The following ADAM9 variants were observed in gnomAD, a reference collection of about 807,000 sequenced individuals.
The protein encoded by ADAM9 is ADAM metallopeptidase domain 9, also known as disintegrin and metalloproteinase domain-containing protein 9.
Under a neutral mutation model 108.1 loss-of-function variants are expected in ADAM9, and 54 were observed. The observed-to-expected ratio is 0.50, with a 90% CI of 0.40 to 0.63. The LOEUF (loss-of-function observed/expected upper bound fraction) is 0.63. Ranked by LOEUF, ADAM9 falls within the 20% of genes least tolerant of loss-of-function variation. The probability of loss-of-function intolerance (pLI) is 0.00; values close to 1 mark genes in which losing one functional copy is unlikely to be tolerated. For synonymous variants in ADAM9, 316 were observed against 336.0 expected (o/e 0.94, Z 0.65); for missense variants, 830 against 997.7 (o/e 0.83, Z 2.26).
chr8:39,084,565 T>C (rs1333891047), intron 18 of ADAM9, among the ~76,000 whole-genome samples: 2 of 151,892 alleles, frequency 1.3e-5, no homozygotes, highest in Non-Finnish European at 2.9e-5. Flanking sequence ...AGAGAACATA[T>C]TGTGTATGAC....
chr8:39,024,108 C>T (rs1836844732), intron 9 of ADAM9, among the ~76,000 whole-genome samples: 1 of 152,050 alleles, frequency 6.6e-6, no homozygotes, highest in Non-Finnish European at 1.5e-5. Context: ...TTTTTTGTCC[C>T]AGCATTACTA....
At chr8:39,002,033 T>TAAAAAAAAAAAAA (rs35778686) in intron 1 of ADAM9, among the ~76,000 whole-genome samples, 1 of 108,624 alleles carries the variant, frequency 9.2e-6, no homozygotes, top group African/African-American at 3.4e-5. Flanking sequence ...CTAGAATGAT[T>TAAAAAAAAAAAAA]AAAAAAAAAA....
At chr8:39,037,458 G>GTGTGTGT (rs56848190) in intron 11 of ADAM9, among the ~76,000 whole-genome samples, 16 of 126,558 alleles carry the variant, frequency 1.3e-4, no homozygotes, top group South Asian at 4.8e-4. Flanking sequence ...GTGTGTGTGT[G>GTGTGTGT]TTTTTTTTTT....
At chr8:39,096,330 TC>T (rs1395766544) in intron 20 of ADAM9, among the ~76,000 whole-genome samples, 5 of 151,820 alleles carry the variant, frequency 3.3e-5, no homozygotes, top group East Asian at 1.9e-4. Context: ...TTGTGCATAT[TC>T]TATAGCACAT....
intron 20 of ADAM9, among the ~76,000 whole-genome samples, chr8:39,096,330 T>C (rs904599710): frequency 6.6e-6 from 1 of 151,824 alleles, no homozygotes; most frequent in Non-Finnish European, 1.5e-5. Context: ...TTGTGCATAT[T>C]CTATAGCACA....
At chr8:39,026,643 A>G (rs1302037999) in intron 10 of ADAM9, 34 bp from the exon 11 acceptor site, 1 of 1,614,078 alleles carries the variant, frequency 6.2e-7, no homozygotes, top group Admixed American at 1.7e-5. Context: ...CTTTGCGTTC[A>G]GAAACCTAAT....
At chr8:39,103,293 G>A (rs761755719) in intron 21 of ADAM9, among the ~76,000 whole-genome samples, 17 of 151,366 alleles carry the variant, frequency 1.1e-4, no homozygotes, top group Non-Finnish European at 4.4e-5. Flanking sequence ...ATCACTTAGT[G>A]TACTCACTTG....
At chr8:39,023,752 T>G (rs546292694) in intron 9 of ADAM9, among the ~76,000 whole-genome samples, 1 of 138,756 alleles carries the variant, frequency 7.2e-6, no homozygotes, top group East Asian at 2.0e-4. Flanking sequence ...TTTTTTTTTT[T>G]TTTTTTTTTT....
intron 9 of ADAM9, 140 bp downstream of exon 9, chr8:39,023,465 A>G (rs948191454): frequency 1.2e-6 from 1 of 845,888 alleles, no homozygotes; most frequent in Non-Finnish European, 1.8e-6. Context: ...ATGTGGCATT[A>G]TCATGAGACC....
intron 12 of ADAM9, among the ~76,000 whole-genome samples, chr8:39,044,944 A>AGG (rs1564295599): frequency 5.3e-5 from 8 of 150,426 alleles, no homozygotes; most frequent in Middle Eastern, 3.4e-3. Context: ...ACACATACCT[A>AGG]TGTATGTGTA....
chr8:39,091,494 G>A (rs1564378117), intron 20 of ADAM9, 148 bp downstream of exon 20: 1 of 773,470 alleles, frequency 1.3e-6, no homozygotes, highest in Non-Finnish European at 2.0e-6. Flanking sequence ...TGAGTTTTTT[G>A]TTTTTGTTTT....
At chr8:39,021,856 GT>G (rs899056425) in intron 8 of ADAM9, 142 bp downstream of exon 8, 1 of 747,944 alleles carries the variant, frequency 1.3e-6, no homozygotes, top group Non-Finnish European at 2.3e-6. Flanking sequence ...TTTCTGGTTT[GT>G]TTTGTAACTC....
intron 7 of ADAM9, among the ~76,000 whole-genome samples, chr8:39,019,836 A>G (rs1354015840): frequency 6.6e-6 from 1 of 152,208 alleles, no homozygotes; most frequent in African/African-American, 2.4e-5. Flanking sequence ...AAATATTAAG[A>G]GATAGACTTG....
intron 14 of ADAM9, among the ~76,000 whole-genome samples, chr8:39,067,158 T>G (rs1361830644): frequency 6.6e-6 from 1 of 152,236 alleles, no homozygotes; most frequent in East Asian, 1.9e-4. Flanking sequence ...ACTGTGGCCT[T>G]GTAGTATAGT....
chr8:39,029,860 T>C lies in ADAM9; in HGVS notation c.1130+3050T>C, dbSNP rs569418029. On this transcript the variant is annotated intron_variant, in intron 11 of 21. Coordinates refer to ENST00000487273, the MANE Select transcript of ADAM9 (RefSeq NM_003816.3). ...TTTTCTTTTCTGGTTGTCCCTTGTC[T>C]GACTTTGATATTAGGGTGATGCTGG... 4.6e-5 allele frequency among the ~76,000 whole-genome samples: 7 copies of C among 152,338 alleles called. No individual in the cohort carries two copies. The South Asian group carries it at 1.2e-3, about 27-fold the overall frequency.
chr8:39,080,977 G>GT (rs1188912973), intron 16 of ADAM9, among the ~76,000 whole-genome samples: 2 of 146,480 alleles, frequency 1.4e-5, no homozygotes, highest in African/African-American at 5.0e-5. Flanking sequence ...TTGAGGCAGG[G>GT]TCTCGCTCTT....
chr8:39,040,698 AG>A (rs1415084977), intron 11 of ADAM9, among the ~76,000 whole-genome samples: 1 of 152,182 alleles, frequency 6.6e-6, no homozygotes, highest in East Asian at 1.9e-4. Context: ...AGAGCTTTTT[AG>A]TTTGATAGCT....
Position 38,996,977 on chromosome 8 carries a change from T to A in ADAM9, c.-87T>A, listed in dbSNP as rs777474015. 1.3e-6 allele frequency: 2 copies of A among 1,522,210 alleles called. No homozygotes were observed. The highest frequency in any genetic ancestry group is 1.2e-5 in the South Asian group (1 of 84,566). The allele number at this position is 1,522,210 out of a possible 1,614,324, so 94.3% of individuals were successfully genotyped here. ...GGGCGCGCGCGCTTCCCGGCCAGAC[T>A]TGGGGCCCCGGCAGGGTTGGAAAAT... is the stretch of plus-strand genomic sequence containing the variant. On this transcript the variant is annotated 5_prime_UTR_variant, in exon 1 of 22. It adds an upstream start codon to the 5' untranslated region. Coordinates refer to ENST00000487273, the MANE Select transcript of ADAM9 (RefSeq NM_003816.3).
chr8:39,076,057 TGTA>T (rs1341243489), intron 15 of ADAM9: 3 of 152,206 alleles, frequency 2.0e-5, no homozygotes, highest in Non-Finnish European at 2.9e-5. Flanking sequence ...AATAATATAA[TGTA>T]GTTATAAAAG....
Sources: allele counts gnomAD v4.1 joint callset (sites outside exome capture counted in the v4.1 genomes callset), GRCh38; gene constraint gnomAD v4.1.1; transcripts MANE v1.5; gene names NCBI Gene and HGNC (gene_info 2026-07-23, HGNC 2026-07-21).